Variants in ZNF793 observed in about 807,000 individuals in gnomAD.
ZNF793 encodes the protein zinc finger protein 793.
ZNF793 carries 5 observed loss-of-function variants against 12.4 expected under a neutral mutation model. The observed-to-expected ratio is 0.40, with a 90% confidence interval of 0.21 to 0.84. ZNF793 has a LOEUF of 0.84. ZNF793 is among the 40% of genes least tolerant of loss of function. The pLI, the probability that ZNF793 is intolerant of heterozygous loss-of-function variation, is 0.35. For missense variants in ZNF793, 456 were observed against 495.0 expected (o/e 0.92, Z 0.75); for synonymous variants, 162 against 172.4 (o/e 0.94, Z 0.47).
At chr19:37,517,826 G>A (rs373642928) in intron 2 of ZNF793, among the ~76,000 whole-genome samples, 160 of 151,816 alleles carry the variant, frequency 1.1e-3, no homozygotes, top group African/African-American at 3.5e-3. Flanking sequence ...TCCTGTGTGT[G>A]CTTGTTTTGA....
chr19:37,510,637 T>C (rs2042286516), intron 2 of ZNF793, among the ~76,000 whole-genome samples: 1 of 151,516 alleles, frequency 6.6e-6, no homozygotes, highest in Admixed American at 6.6e-5. Flanking sequence ...TGAGCTATGA[T>C]TGTGCCACTG....
intron 2 of ZNF793, among the ~76,000 whole-genome samples, chr19:37,513,494 C>T (rs945179463): frequency 1.3e-5 from 2 of 152,158 alleles, no homozygotes; most frequent in African/African-American, 4.8e-5. Flanking sequence ...AAACTCAGAC[C>T]TTCTGAATCA....
Position 37,538,138 on chromosome 19 carries a change from A to ATCTCCTGACCT in ZNF793, c.*261_*271dup, listed in dbSNP as rs1352860984. On this transcript the variant is annotated 3_prime_UTR_variant, in exon 8 of 8. Coordinates refer to ENST00000627814, the MANE Select transcript of ZNF793 (RefSeq NM_001013659.3). ...CACCGTGTTAGCCAGGATGGTCTCGATCTCCTGACCTTGTGATCTGCCCGC... is the reference window on the plus strand; with the variant it reads ...CACCGTGTTAGCCAGGATGGTCTCGATCTCCTGACCTTCTCCTGACCTTGTGATCTGCCCGC... 1 of 351,344 alleles carries ATCTCCTGACCT rather than the reference A, an allele frequency of 2.8e-6. No homozygotes were observed. Among genetic ancestry groups the ATCTCCTGACCT allele is most frequent in the Admixed American group, 4.5e-5 (1 of 22,302 alleles). The allele number at this position is 351,344 out of a possible 1,614,324, so 21.8% of individuals were successfully genotyped here.
chr19:37,508,655 G>A (rs1407235923), intron 2 of ZNF793, among the ~76,000 whole-genome samples: 1 of 152,118 alleles, frequency 6.6e-6, no homozygotes, highest in Non-Finnish European at 1.5e-5. Context: ...GCAGTGAAAC[G>A]AGATTGTACC....
chr19:37,521,139 C>T (rs1157022062), intron 3 of ZNF793, among the ~76,000 whole-genome samples: 1 of 152,064 alleles, frequency 6.6e-6, no homozygotes, highest in Admixed American at 6.6e-5. Context: ...AGGTGTGTGC[C>T]ACCATGCCCG....
chr19:37,533,355 G>A lies in ZNF793; in HGVS notation c.190G>A (p.Glu64Lys). ...PDVILRLEQE[E>K]APWIGEAACP... ...TGTGATCCTCAGACTGGAGCAGGAA[G>A]AAGCACCATGGATTGGTGAGGCAGC... is the stretch of plus-strand genomic sequence containing the variant. Residue 64 changes from glutamate (E) to lysine (K), a missense_variant, in exon 7 of 8, where the codon GAA becomes AAA. By Grantham distance (56) the Glu-to-Lys change is moderately conservative. Transcript: ENST00000627814. The A allele has an allele frequency of 6.2e-7, 1 of 1,614,038 alleles. No individual in the cohort carries two copies. The highest frequency in any genetic ancestry group is 1.3e-5 in the African/African-American group (1 of 75,060).
At chr19:37,530,709 C>G (rs1387549559) in intron 5 of ZNF793, among the ~76,000 whole-genome samples, 1 of 152,132 alleles carries the variant, frequency 6.6e-6, no homozygotes, top group Non-Finnish European at 1.5e-5. Flanking sequence ...AATGGAGTCT[C>G]CTATGTCTAC....
chr19:37,511,271 A>C (rs2042292788), intron 2 of ZNF793, among the ~76,000 whole-genome samples: 1 of 152,198 alleles, frequency 6.6e-6, no homozygotes, highest in African/African-American at 2.4e-5. Flanking sequence ...TGATTGACTC[A>C]TATTCACTGA....
At chr19:37,523,929 A>C (rs1018991396) in intron 5 of ZNF793, among the ~76,000 whole-genome samples, 1 of 151,966 alleles carries the variant, frequency 6.6e-6, no homozygotes, top group Non-Finnish European at 1.5e-5. Context: ...GCAGTTGCAT[A>C]ACCTGAGGTC....
At position 37,542,548 on chromosome 19, in the gene ZNF793, AC is replaced by A; in HGVS notation, c.*4674del. The A allele has an allele frequency of 2.9e-6, 1 of 342,536 alleles. No individual in the cohort carries two copies. The highest frequency in any genetic ancestry group is 5.9e-6 in the Non-Finnish European group (1 of 170,630). The allele number at this position is 342,536 out of a possible 1,614,324, so 21.2% of individuals were successfully genotyped here. ...AAAAATTGTTCTTAATGGCAAAAAAACCCCCAAAACCAAAGCAAACACTAGA... is the reference window on the plus strand; with the variant it reads ...AAAAATTGTTCTTAATGGCAAAAAAACCCCAAAACCAAAGCAAACACTAGA... On this transcript the variant is annotated 3_prime_UTR_variant, in exon 8 of 8. Transcript: ENST00000627814.
At chr19:37,523,583 G>C in intron 5 of ZNF793, 129 bp downstream of exon 5, 1 of 838,714 alleles carries the variant, frequency 1.2e-6, no homozygotes, top group Non-Finnish European at 1.9e-6. Context: ...CTGACTCATA[G>C]ATGGAGATTT....
intron 2 of ZNF793, among the ~76,000 whole-genome samples, chr19:37,514,457 G>A (rs1450027120): frequency 6.6e-6 from 1 of 152,184 alleles, no homozygotes; most frequent in Admixed American, 6.5e-5. Flanking sequence ...TTGGGAGGCT[G>A]AGGTGGGAGG....
In ZNF793 at chr19:37,537,672, G is replaced by C. The variant is rs1242105973; in HGVS notation, c.1014G>C (p.Pro338=). 1.2e-6 allele frequency: 2 copies of C among 1,613,434 alleles called. No homozygotes were observed. The highest frequency in any genetic ancestry group is 1.7e-6 in the Non-Finnish European group (2 of 1,179,662). Residue 338 remains proline, a synonymous_variant, in exon 8 of 8, where the codon CCG becomes CCC. Transcript: ENST00000627814. Reference sequence around the variant, plus strand: ...GAAAAATGCACACAGGAGAAAGACCGTATCGTTGCAGAGAATGTGGAAAAT... The same window carrying C: ...GAAAAATGCACACAGGAGAAAGACCCTATCGTTGCAGAGAATGTGGAAAAT... The part of the protein sequence containing the change: ...VHRKMHTGER[P]YRCRECGKSF...
At chr19:37,510,879 G>A (rs570020224) in intron 2 of ZNF793, among the ~76,000 whole-genome samples, 5 of 151,584 alleles carry the variant, frequency 3.3e-5, no homozygotes, top group African/African-American at 1.2e-4. Context: ...TGTATTTTTA[G>A]TAGAGACGGG....
At chr19:37,526,364 C>T (rs1001556266) in intron 5 of ZNF793, among the ~76,000 whole-genome samples, 20 of 152,280 alleles carry the variant, frequency 1.3e-4, no homozygotes, top group East Asian at 1.9e-4. Flanking sequence ...CCTCCTGCCT[C>T]GGCCTCCCAA....
At chr19:37,529,713 G>A (rs529089994) in intron 5 of ZNF793, among the ~76,000 whole-genome samples, 40 of 152,124 alleles carry the variant, frequency 2.6e-4, no homozygotes, top group Admixed American at 1.5e-3. Flanking sequence ...GGCTGGTCTC[G>A]AACTCCTGAC....
chr19:37,533,195 G>A, intron 6 of ZNF793, 113 bp from the exon 7 acceptor site: 2 of 804,338 alleles, frequency 2.5e-6, no homozygotes, highest in Non-Finnish European at 4.1e-6. Flanking sequence ...GACAAGGTGT[G>A]TGTTTAGTCC....
In ZNF793 at chr19:37,539,167, G is replaced by GT. The variant is rs767276488; in HGVS notation, c.*1291dup. 9.2e-5 allele frequency: 14 copies of GT among 152,158 alleles called. No individual in the cohort carries two copies. Among genetic ancestry groups the GT allele is most frequent in the East Asian group, 1.9e-4 (1 of 5,194 alleles). The allele number at this position is 152,158 out of a possible 1,614,324, so 9.4% of individuals were successfully genotyped here. A position where few individuals can be genotyped will look rare whatever the true frequency, so the allele number is the denominator to read the frequency against. ...TATTAAAAATGCAAGCTAAGGAATA[G>GT]TTTAAGAACCTGATACTGGGTAAAT... On this transcript the variant is annotated 3_prime_UTR_variant, in exon 8 of 8. Coordinates refer to ENST00000627814, the MANE Select transcript of ZNF793 (RefSeq NM_001013659.3).
intron 5 of ZNF793, among the ~76,000 whole-genome samples, chr19:37,525,963 G>C (rs886155563): frequency 6.6e-6 from 1 of 152,140 alleles, no homozygotes; most frequent in Admixed American, 6.6e-5. Flanking sequence ...TGTGTCCTGA[G>C]AAGACTTCTC....
Sources: gnomAD v4.1 joint callset for allele counts (sites outside exome capture counted in the v4.1 genomes callset) on GRCh38, gnomAD v4.1.1 for gene constraint, MANE v1.5 for transcripts, NCBI Gene and HGNC (gene_info 2026-07-23, HGNC 2026-07-21) for gene names.